RUVBL1: variants seen among roughly 807,000 people sequenced by gnomAD.
The protein encoded by RUVBL1 is ruvB-like 1.
A neutral mutation model predicts 52.4 loss-of-function variants in RUVBL1; 4 were observed. That is an observed-to-expected ratio of 0.08 (90% CI 0.04 to 0.17). The LOEUF is 0.17. Ranked by LOEUF, RUVBL1 falls within the 10% of genes least tolerant of loss-of-function variation. The pLI, the probability that RUVBL1 is intolerant of heterozygous loss-of-function variation, is 1.00. For synonymous variants in RUVBL1, 217 were observed against 214.4 expected (o/e 1.01, Z -0.10); for missense variants, 298 against 572.8 (o/e 0.52, Z 4.90).
chr3:128,124,135 GTTA>G (rs1393387799), upstream of RUVBL1, among the ~76,000 whole-genome samples: 1 of 152,116 alleles, frequency 6.6e-6, no homozygotes, highest in African/African-American at 2.4e-5. Context: ...CAAATCTCAA[GTTA>G]TTATTTCCGT....
intron 1 of RUVBL1, among the ~76,000 whole-genome samples, chr3:128,129,850 G>A (rs144377088): frequency 8.5e-5 from 13 of 152,274 alleles, no homozygotes; most frequent in Non-Finnish European, 1.6e-4. Context: ...TGGTTGCCAG[G>A]GGCTGGGGAA....
intron 8 of RUVBL1, among the ~76,000 whole-genome samples, chr3:128,090,686 T>C (rs1374314777): frequency 6.6e-6 from 1 of 152,248 alleles, no homozygotes; most frequent in East Asian, 1.9e-4. Context: ...CAAATCTCAG[T>C]ATTTGGTGTG....
downstream of RUVBL1, among the ~76,000 whole-genome samples, chr3:128,077,989 C>T (rs1233483194): frequency 6.6e-6 from 1 of 152,216 alleles, no homozygotes. Flanking sequence ...AAACCAAAGA[C>T]TCATGGGGCT....
chr3:128,130,807 C>T (rs920055592), intron 1 of RUVBL1, among the ~76,000 whole-genome samples: 2 of 151,766 alleles, frequency 1.3e-5, no homozygotes, highest in Non-Finnish European at 2.9e-5. Context: ...CCTGCCACCA[C>T]GCCTGGCTAT....
chr3:128,100,513 A>G, intron 6 of RUVBL1, 82 bp downstream of exon 6: 1 of 1,484,940 alleles, frequency 6.7e-7, no homozygotes, highest in African/African-American at 1.4e-5. Flanking sequence ...AAAGGCAGCA[A>G]GACTCTGACA....
rs771087674 is a variant in RUVBL1, at chr3:128,066,961, G to A, written c.940-1741C>T. 1 of 1,614,170 alleles carries A rather than the reference G, an allele frequency of 6.2e-7. No individual in the cohort carries two copies. ...TTCTGTTTGGCTTCTCAGGGCTTCC[G>A]AGTGGACCTGCCAATCAAGTCGGCC... On this transcript the variant is annotated intron_variant, in intron 9 of 9. Transcript: ENST00000464873.
intron 1 of RUVBL1, among the ~76,000 whole-genome samples, chr3:128,136,904 T>C (rs1325874231): frequency 6.6e-6 from 1 of 152,056 alleles, no homozygotes; most frequent in Admixed American, 6.6e-5. Context: ...TCACCACATA[T>C]AGAAAGCAAA....
rs1387614946 is a variant in RUVBL1 at position 128,067,878 on chromosome 3, T to C, written c.940-2658A>G. ...AGTTTTAAAGTTCTCTGTATGAATA[T>C]TGTCAGTGCTCGAAGAGGCGATCTG... On this transcript the variant is annotated intron_variant, in intron 9 of 9. Transcript: ENST00000464873. This position sits in a 1 kb window ranked among gnomAD's most constrained non-coding sequence, Gnocchi z 4.1. The C allele has an allele frequency of 3.4e-6, 3 of 887,718 alleles. No homozygotes were observed. The highest frequency in any genetic ancestry group is 3.3e-5 in the African/African-American group (2 of 60,096). 55.0% of individuals were successfully genotyped at this position (887,718 alleles called of 1,614,324 possible).
At chr3:128,132,323 TGCAATTCCTGG>T (rs1244742698) in intron 1 of RUVBL1, among the ~76,000 whole-genome samples, 1 of 152,178 alleles carries the variant, frequency 6.6e-6, no homozygotes, top group Non-Finnish European at 1.5e-5. Context: ...CCACAAGGAC[TGCAATTCCTGG>T]GCAAATCTTG....
chr3:128,149,416 C>T (rs1213849688), intron 1 of RUVBL1, among the ~76,000 whole-genome samples: 1 of 152,164 alleles, frequency 6.6e-6, no homozygotes, highest in Non-Finnish European at 1.5e-5. Flanking sequence ...AACTTCTGGC[C>T]TGAAGTGATC....
At chr3:128,132,334 G>A (rs1047822344) in intron 1 of RUVBL1, among the ~76,000 whole-genome samples, 1 of 152,158 alleles carries the variant, frequency 6.6e-6, no homozygotes, top group African/African-American at 2.4e-5. Flanking sequence ...GCAATTCCTG[G>A]GCAAATCTTG....
chr3:128,150,568 C>T (rs978629895), intron 1 of RUVBL1, among the ~76,000 whole-genome samples: 2 of 141,288 alleles, frequency 1.4e-5, no homozygotes, highest in Non-Finnish European at 3.0e-5. Context: ...TATGTATATT[C>T]CATATATATA....
chr3:128,081,657 G>A lies in RUVBL1; in HGVS notation c.1212-248C>T. On this transcript the variant is annotated intron_variant, in intron 10 of 10. Coordinates refer to ENST00000322623, the MANE Select transcript of RUVBL1 (RefSeq NM_003707.3). The surrounding 1 kb of genome is among the most constrained non-coding windows in gnomAD (Gnocchi z 4.8). Reference sequence around the variant, plus strand: ...TGCTATTCCCCAAATCTTTAGTACAGTCTACAAATCCTCCAGTAGGAAGTA... The same window carrying A: ...TGCTATTCCCCAAATCTTTAGTACAATCTACAAATCCTCCAGTAGGAAGTA... The A allele has an allele frequency of 2.2e-6, 1 of 465,110 alleles. No homozygotes were observed. The allele number at this position is 465,110 out of a possible 1,614,324, so 28.8% of individuals were successfully genotyped here.
At chr3:128,086,091 G>A (rs1238213910) in intron 9 of RUVBL1, among the ~76,000 whole-genome samples, 2 of 152,024 alleles carry the variant, frequency 1.3e-5, no homozygotes, top group African/African-American at 2.4e-5. Flanking sequence ...CGACCTCCTG[G>A]GCTAAAGCGA....
At chr3:128,128,185 G>A (rs1261023097), upstream of RUVBL1, among the ~76,000 whole-genome samples, 1 of 152,110 alleles carries the variant, frequency 6.6e-6, no homozygotes, top group African/African-American at 2.4e-5. Flanking sequence ...CAGGGGTCTT[G>A]CTGTGTTGGC....
At position 128,116,849 on chromosome 3, in the gene RUVBL1, A is replaced by G. The variant is rs188849003; in HGVS notation, c.228+2479T>C. On this transcript the variant is annotated intron_variant, in intron 2 of 10. Coordinates refer to ENST00000322623, the MANE Select transcript of RUVBL1 (RefSeq NM_003707.3). The stretch of plus-strand genomic sequence containing the variant: ...CTCCTTTCTTGGTTCCTGAGACACC[A>G]TTCTCTCCCTGGCTCTGCTGCTCAT... 2.9e-3 allele frequency among the ~76,000 whole-genome samples: 440 copies of G among 152,286 alleles called. 3 individuals carry two copies. Among genetic ancestry groups the G allele is most frequent in the Non-Finnish European group, 1.9e-3 (131 of 68,024 alleles).
At chr3:128,114,332 C>T (rs977002251) in intron 2 of RUVBL1, among the ~76,000 whole-genome samples, 1 of 152,252 alleles carries the variant, frequency 6.6e-6, no homozygotes, top group East Asian at 1.9e-4. Context: ...CTTTTCTATG[C>T]CCTTTTGGTG....
In RUVBL1 at chr3:128,112,878, C is replaced by CACTACT. The variant is rs1337593044; in HGVS notation, c.361+4_361+9dup. 6.2e-7 allele frequency: 1 copy of CACTACT among 1,612,312 alleles called. No homozygotes were observed. Among genetic ancestry groups the CACTACT allele is most frequent in the Non-Finnish European group, 8.5e-7 (1 of 1,179,376 alleles). ...AGACCAACTCCTCCCACAAATGTGA[C>CACTACT]ACTACTTACCAATGGCCCTGCGGAA... is the stretch of plus-strand genomic sequence containing the variant. On this transcript the variant is annotated intron_variant, in intron 3 of 10. Transcript: ENST00000322623.
chr3:128,137,143 A>G (rs544417911), intron 1 of RUVBL1, among the ~76,000 whole-genome samples: 78 of 152,338 alleles, frequency 5.1e-4, no homozygotes, highest in African/African-American at 1.8e-3. Flanking sequence ...TTACTGGTGC[A>G]TCTTAAATAA....
Sources: allele counts gnomAD v4.1 joint callset (sites outside exome capture counted in the v4.1 genomes callset), GRCh38; gene constraint gnomAD v4.1.1; non-coding constraint Gnocchi (gnomAD v3.1); transcripts MANE v1.5; gene names NCBI Gene and HGNC (gene_info 2026-07-23, HGNC 2026-07-21).